The following USP13 variants were observed in gnomAD, a reference collection of about 807,000 sequenced individuals.
USP13 encodes the protein ubiquitin specific peptidase 13, also known as ubiquitin carboxyl-terminal hydrolase 13.
In USP13, 68 loss-of-function variants were observed where a neutral mutation model predicts 107.8. The observed-to-expected ratio is 0.63, with a 90% CI of 0.52 to 0.77. USP13 has a LOEUF of 0.77. Ranked by LOEUF, USP13 falls within the 30% of genes least tolerant of loss-of-function variation. The pLI is 0.00. For missense variants in USP13, 945 were observed against 1,093.3 expected, an observed-to-expected ratio of 0.86 and a Z score of 1.91; for synonymous variants, 377 against 389.5, an observed-to-expected ratio of 0.97 and a Z score of 0.38.
At chr3:179,749,014 G>T (rs1323845391) in intron 13 of USP13, among the ~76,000 whole-genome samples, 1 of 152,024 alleles carries the variant, frequency 6.6e-6, no homozygotes, top group African/African-American at 2.4e-5. Flanking sequence ...GTTTATCTTC[G>T]TTTTTTTGTC....
At chr3:179,691,278 G>A (rs1322714811) in intron 3 of USP13, among the ~76,000 whole-genome samples, 2 of 150,884 alleles carry the variant, frequency 1.3e-5, no homozygotes, top group Non-Finnish European at 3.0e-5. Flanking sequence ...TCCTTTCTTT[G>A]TTACAAGATA....
intron 1 of USP13, among the ~76,000 whole-genome samples, chr3:179,662,388 A>G (rs1720482356): frequency 6.6e-6 from 1 of 152,096 alleles, no homozygotes; most frequent in African/African-American, 2.4e-5. Context: ...GTTATCTTGA[A>G]TTGCCAGTTC....
intron 4 of USP13, 77 bp downstream of exon 4, chr3:179,701,206 T>C: frequency 8.2e-6 from 1 of 122,518 alleles, no homozygotes; most frequent in Non-Finnish European, 1.6e-5. Flanking sequence ...GATGTGTGTG[T>C]GCGGGGGTGG....
chr3:179,711,609 C>T (rs1576944066), intron 6 of USP13, among the ~76,000 whole-genome samples: 1 of 152,172 alleles, frequency 6.6e-6, no homozygotes, highest in Admixed American at 6.5e-5. Flanking sequence ...CAAACACACA[C>T]ATTAGCCTAG....
chr3:179,708,337 T>C (rs1036826253), intron 5 of USP13, among the ~76,000 whole-genome samples: 67 of 151,566 alleles, frequency 4.4e-4, no homozygotes, highest in African/African-American at 1.5e-3. Context: ...GACAGAGTCT[T>C]GCTCTGTCAC....
chr3:179,781,948 T>C lies in USP13; in HGVS notation c.2498+125T>C, dbSNP rs1715764734. 5 of 813,420 alleles carry C rather than the reference T, an allele frequency of 6.1e-6. No homozygotes were observed. In the Admixed American group the frequency reaches 1.1e-4, roughly 18 times the overall value. 50.4% of individuals were successfully genotyped at this position (813,420 alleles called of 1,614,324 possible). A position where few individuals can be genotyped will look rare whatever the true frequency, so the allele number is the denominator to read the frequency against. The stretch of plus-strand genomic sequence containing the variant: ...TCTCACATTGGTCTTGTAAAGGGTA[T>C]ACTGTTAACGCCCTTTTGCACATCA... On this transcript the variant is annotated intron_variant, in intron 20 of 20. Transcript: ENST00000263966.
In USP13 at chr3:179,653,820, T is replaced by C. The variant is rs114872803; in HGVS notation, c.168+427T>C. On this transcript the variant is annotated intron_variant, in intron 1 of 20. Coordinates refer to ENST00000263966, the MANE Select transcript of USP13 (RefSeq NM_003940.3). This position sits in a 1 kb window ranked among gnomAD's most constrained non-coding sequence, Gnocchi z 4.0. ...CCCTTCTTTTTCTGGGACCACTTGCTTTGCTCAGGGATCCCCACTTCTGGA... is the reference window on the plus strand; with the variant it reads ...CCCTTCTTTTTCTGGGACCACTTGCCTTGCTCAGGGATCCCCACTTCTGGA... The C allele has an allele frequency of 3.1e-3, 505 of 162,006 alleles. 4 individuals are homozygous for C. Among genetic ancestry groups the C allele is most frequent in the African/African-American group, 0.011 (479 of 41,810 alleles). The allele number at this position is 162,006 out of a possible 1,614,324, so 10.0% of individuals were successfully genotyped here. A position where few individuals can be genotyped will look rare whatever the true frequency, so the allele number is the denominator to read the frequency against.
At chr3:179,669,251 A>G (rs1720674682) in intron 1 of USP13, among the ~76,000 whole-genome samples, 1 of 152,218 alleles carries the variant, frequency 6.6e-6, no homozygotes, top group Non-Finnish European at 1.5e-5. Context: ...ACCTGAGGTC[A>G]GGAGTTTGAG....
chr3:179,779,300 G>A (rs1017999163), intron 19 of USP13, among the ~76,000 whole-genome samples: 4 of 151,782 alleles, frequency 2.6e-5, no homozygotes, highest in Non-Finnish European at 5.9e-5. Flanking sequence ...TTGGGAGGCC[G>A]AGATGGGTGG....
chr3:179,719,705 T>TA (rs1309722690), intron 6 of USP13, among the ~76,000 whole-genome samples: 3 of 152,242 alleles, frequency 2.0e-5, no homozygotes, highest in Admixed American at 6.5e-5. Flanking sequence ...TTAGAAAACT[T>TA]AAAAAAAACT....
chr3:179,700,046 C>T (rs1360131152), intron 3 of USP13, among the ~76,000 whole-genome samples: 1 of 152,054 alleles, frequency 6.6e-6, no homozygotes, highest in Non-Finnish European at 1.5e-5. Flanking sequence ...TAGTTCCAAG[C>T]ATAAATATAC....
intron 13 of USP13, among the ~76,000 whole-genome samples, chr3:179,746,783 T>G (rs1386679647): frequency 6.6e-6 from 1 of 152,074 alleles, no homozygotes; most frequent in Non-Finnish European, 1.5e-5. Flanking sequence ...CAGGCTGATC[T>G]GGAACTCCTG....
rs774783016 is a variant in USP13 at position 179,701,034 on chromosome 3, A to G, written c.382A>G (p.Ser128Gly). The G allele has an allele frequency of 2.5e-6, 4 of 1,613,886 alleles. No individual in the cohort carries two copies. In the South Asian group the frequency reaches 4.4e-5, roughly 18 times the overall value. Residue 128 changes from serine (S) to glycine (G), a missense_variant, in exon 4 of 21, where the codon AGC (serine) becomes GGC (glycine). Coordinates refer to ENST00000263966, the MANE Select transcript of USP13 (RefSeq NM_003940.3). ...LDLDTDDDLNSDDYEYEDEAK... is the reference protein window; with the variant it reads ...LDLDTDDDLNGDDYEYEDEAK... Reference sequence around the variant, plus strand: ...TCTAGATACTGATGACGATTTAAATAGCGACGATTATGAATATGAAGATGA... The same window carrying G: ...TCTAGATACTGATGACGATTTAAATGGCGACGATTATGAATATGAAGATGA...
chr3:179,783,951 T>C (rs1367998590), intron 20 of USP13, 97 bp from the exon 21 acceptor site: 7 of 924,852 alleles, frequency 7.6e-6, no homozygotes, highest in East Asian at 4.9e-5. Flanking sequence ...TAAAACATCA[T>C]GGTTAAGTGT....
chr3:179,781,805 A>G lies in USP13; in HGVS notation c.2480A>G (p.His827Arg). The G allele has an allele frequency of 6.2e-7, 1 of 1,614,064 alleles. No individual in the cohort carries two copies. ...TSTMSGHYICHIKKEGRWVIY... is the reference protein window; with the variant it reads ...TSTMSGHYICRIKKEGRWVIY... Reference sequence around the variant, plus strand: ...ACAATGAGTGGTCATTACATTTGCCATATCAAAAAGGAAGGAAGGTGAGTC... The same window carrying G: ...ACAATGAGTGGTCATTACATTTGCCGTATCAAAAAGGAAGGAAGGTGAGTC... Residue 827 changes from histidine to arginine, a missense_variant, in exon 20 of 21, where the codon CAT (histidine) becomes CGT (arginine). His to Arg is a conservative substitution (Grantham distance 29, BLOSUM62 0). Coordinates refer to ENST00000263966, the MANE Select transcript of USP13 (RefSeq NM_003940.3).
rs750356321 is a variant in USP13, at chr3:179,688,138, C to CATCCATCCATCCGTAT, written c.295-2074_295-2059dup. Among the ~76,000 whole-genome samples, 28 of 149,104 alleles carry CATCCATCCATCCGTAT rather than the reference C, an allele frequency of 1.9e-4. No individual in the cohort carries two copies. The East Asian group carries it at 4.0e-3, about 21-fold the overall frequency. On this transcript the variant is annotated intron_variant, in intron 2 of 20. Coordinates refer to ENST00000263966, the MANE Select transcript of USP13 (RefSeq NM_003940.3). ...CCATCCATCCATCCATCCATATATC[C>CATCCATCCATCCGTAT]ATCCATCCATCCGTATATCCATCCA...
rs780514159 is a variant in USP13 at position 179,730,660 on chromosome 3, C to T, written c.1205C>T (p.Pro402Leu). 6.2e-7 allele frequency: 1 copy of T among 1,614,140 alleles called. No individual in the cohort carries two copies. Among genetic ancestry groups the T allele is most frequent in the Non-Finnish European group, 8.5e-7 (1 of 1,180,002 alleles). The change falls in exon 10 of 21, where the codon CCT becomes CTT. Residue 402 changes from proline to leucine, a missense_variant. By Grantham distance (98) the Pro-to-Leu change is moderately conservative. Coordinates refer to ENST00000263966, the MANE Select transcript of USP13 (RefSeq NM_003940.3). Reference protein sequence around the residue: ...HGLLSGQYSKPPVKSELIEQV... With the variant: ...HGLLSGQYSKLPVKSELIEQV... ...CTTCTCTCAGGCCAGTATTCAAAGC[C>T]TCCGGTGAAATCTGAACTCATTGAA...
intron 19 of USP13, among the ~76,000 whole-genome samples, chr3:179,777,711 A>C (rs1289229365): frequency 6.6e-6 from 1 of 151,794 alleles, no homozygotes; most frequent in Non-Finnish European, 1.5e-5. Flanking sequence ...CTTGCCTCCC[A>C]AAGTGCTGAG....
intron 19 of USP13, 137 bp from the exon 20 acceptor site, chr3:179,781,602 A>G (rs1054149649): frequency 6.0e-6 from 4 of 662,204 alleles, no homozygotes; most frequent in African/African-American, 5.4e-5. Flanking sequence ...TGTTGTCAAC[A>G]TAGCAAGGTA....
Sources: gnomAD v4.1 joint callset for allele counts (sites outside exome capture counted in the v4.1 genomes callset) on GRCh38, gnomAD v4.1.1 for gene constraint, Gnocchi (gnomAD v3.1) non-coding constraint, MANE v1.5 for transcripts, NCBI Gene and HGNC (gene_info 2026-07-23, HGNC 2026-07-21) for gene names.